The following CALD1 variants were observed in gnomAD, a reference collection of about 807,000 sequenced individuals.
CALD1 encodes the protein caldesmon 1.
CALD1 carries 33 observed loss-of-function variants against 99.9 expected under a neutral mutation model. That is an observed-to-expected ratio of 0.33 (90% confidence interval 0.25 to 0.44). CALD1 has a LOEUF of 0.44. Ranked by LOEUF, CALD1 falls within the 20% of genes least tolerant of loss-of-function variation. The probability of loss-of-function intolerance (pLI) is 1.00; values close to 1 mark genes in which losing one functional copy is unlikely to be tolerated. For missense variants in CALD1, 861 were observed against 962.1 expected (o/e 0.89, Z 1.39); for synonymous variants, 310 against 325.0 (o/e 0.95, Z 0.50).
intron 1 of CALD1, among the ~76,000 whole-genome samples, chr7:134,791,724 A>G (rs913608922): frequency 6.6e-6 from 1 of 152,202 alleles, no homozygotes; most frequent in Non-Finnish European, 1.5e-5. Context: ...CCTAACTATC[A>G]TCTTGGACCA....
Position 134,962,849 on chromosome 7 carries a change from C to G in CALD1, c.2295+2221C>G, listed in dbSNP as rs1808381715. The G allele has an allele frequency of 8.8e-6, 4 of 456,532 alleles. No individual in the cohort carries two copies. The Admixed American group carries it at 9.4e-5, about 11-fold the overall frequency. The allele number at this position is 456,532 out of a possible 1,614,324, so 28.3% of individuals were successfully genotyped here. ...CCTTCTGTTCCTCACTCTTTGGTCT[C>G]TGGTTGATTGGAAACCTGCTTCTCC... On this transcript the variant is annotated intron_variant, in intron 13 of 14. Coordinates refer to ENST00000361675, the MANE Select transcript of CALD1 (RefSeq NM_033138.4).
At chr7:134,813,925 C>T (rs185150394) in intron 1 of CALD1, among the ~76,000 whole-genome samples, 47 of 152,196 alleles carry the variant, frequency 3.1e-4, no homozygotes, top group African/African-American at 1.1e-3. Context: ...TGTGGGAACA[C>T]AAGATCATTG....
At chr7:134,887,173 T>C (rs1250085629) in intron 3 of CALD1, among the ~76,000 whole-genome samples, 1 of 152,096 alleles carries the variant, frequency 6.6e-6, no homozygotes, top group African/African-American at 2.4e-5. Flanking sequence ...TAAACTGTGA[T>C]TTTTCCACAG....
intron 3 of CALD1, among the ~76,000 whole-genome samples, chr7:134,887,646 CTG>C (rs1801924733): frequency 6.7e-6 from 1 of 150,258 alleles, no homozygotes; most frequent in Admixed American, 6.6e-5. Flanking sequence ...ACATGCATGT[CTG>C]TATGTGTGTG....
At chr7:134,906,845 G>A (rs1803423864) in intron 3 of CALD1, among the ~76,000 whole-genome samples, 1 of 152,092 alleles carries the variant, frequency 6.6e-6, no homozygotes, top group African/African-American at 2.4e-5. Flanking sequence ...GGGAAGTTGA[G>A]GACTTAAAGT....
chr7:134,757,324 T>G (rs899706917), intron 1 of CALD1, among the ~76,000 whole-genome samples: 1 of 152,172 alleles, frequency 6.6e-6, no homozygotes, highest in Non-Finnish European at 1.5e-5. Flanking sequence ...ACTGTTCTCC[T>G]TCCACCTCCC....
intron 3 of CALD1, chr7:134,891,486 C>A: frequency 7.2e-7 from 1 of 1,386,520 alleles, no homozygotes; most frequent in Non-Finnish European, 9.4e-7. Flanking sequence ...AAAGGGAGAA[C>A]ACGGGAGCAT....
At chr7:134,830,476 C>T (rs986606723) in intron 1 of CALD1, among the ~76,000 whole-genome samples, 8 of 151,824 alleles carry the variant, frequency 5.3e-5, no homozygotes, top group African/African-American at 1.7e-4. Context: ...ATGTGTGTCA[C>T]GGGGGTTTGT....
intron 1 of CALD1, among the ~76,000 whole-genome samples, chr7:134,843,206 G>C (rs1799719955): frequency 1.3e-5 from 2 of 152,184 alleles, no homozygotes; most frequent in South Asian, 4.1e-4. Flanking sequence ...GCCAGCATCT[G>C]TGTGTCGGGC....
chr7:134,859,879 T>C (rs1800486651), intron 2 of CALD1, among the ~76,000 whole-genome samples: 1 of 152,176 alleles, frequency 6.6e-6, no homozygotes, highest in Non-Finnish European at 1.5e-5. Context: ...ACTCAAACTG[T>C]CTGCTACTCA....
intron 1 of CALD1, among the ~76,000 whole-genome samples, chr7:134,835,187 T>TG (rs1230969292): frequency 6.6e-6 from 1 of 152,228 alleles, no homozygotes; most frequent in African/African-American, 2.4e-5. Context: ...CTGATGGTTT[T>TG]GCTTTTGGTT....
rs1312434562 is a variant in CALD1, at chr7:134,928,075, T to C, written c.72-679T>C. On this transcript the variant is annotated intron_variant, in intron 3 of 14. Coordinates refer to ENST00000361675, the MANE Select transcript of CALD1 (RefSeq NM_033138.4). Reference sequence around the variant, plus strand: ...GTCTACACAAATAACTCATGCAACATGCTGTATCTTTTGAAGTAAGCATTT... The same window carrying C: ...GTCTACACAAATAACTCATGCAACACGCTGTATCTTTTGAAGTAAGCATTT... The C allele has an allele frequency of 1.5e-5, 5 of 324,982 alleles. No individual in the cohort carries two copies. The Admixed American group carries it at 1.6e-4, about 10-fold the overall frequency. 20.1% of individuals were successfully genotyped at this position (324,982 alleles called of 1,614,324 possible). A position where few individuals can be genotyped will look rare whatever the true frequency, so the allele number is the denominator to read the frequency against.
chr7:134,801,206 A>G (rs1490665652), intron 1 of CALD1, among the ~76,000 whole-genome samples: 2 of 152,164 alleles, frequency 1.3e-5, no homozygotes, highest in East Asian at 3.8e-4. Flanking sequence ...ATTTCTATTA[A>G]CATTTAATAT....
At chr7:134,722,246 CG>C in the CALD1 span, among the ~76,000 whole-genome samples, 1 of 152,132 alleles carries the variant, frequency 6.6e-6, no homozygotes. Flanking sequence ...TCCTTTCCTC[CG>C]GCCAAGTTTC....
intron 3 of CALD1, among the ~76,000 whole-genome samples, chr7:134,921,155 C>T (rs1804592332): frequency 1.3e-5 from 2 of 152,166 alleles, no homozygotes; most frequent in Admixed American, 6.5e-5. Context: ...AATTCATGTC[C>T]ACACCAAGTA....
At chr7:134,795,911 A>G (rs1226257935) in intron 1 of CALD1, among the ~76,000 whole-genome samples, 2 of 152,222 alleles carry the variant, frequency 1.3e-5, no homozygotes, top group African/African-American at 4.8e-5. Context: ...GCCAGCCTGG[A>G]GCCACTGACC....
At chr7:134,720,577 C>T in the CALD1 span, among the ~76,000 whole-genome samples, 3 of 152,326 alleles carry the variant, frequency 2.0e-5, no homozygotes, top group African/African-American at 7.2e-5. Flanking sequence ...TCTGTGATCT[C>T]CCCATCTCCA....
rs1000283950 is a variant in CALD1, at chr7:134,969,218, T to C, written c.*873T>C. The C allele has an allele frequency of 1.3e-5, 2 of 152,412 alleles. No homozygotes were observed. The highest frequency in any genetic ancestry group is 4.8e-5 in the African/African-American group (2 of 41,462). The allele number at this position is 152,412 out of a possible 1,614,324, so 9.4% of individuals were successfully genotyped here. On this transcript the variant is annotated 3_prime_UTR_variant, in exon 15 of 15. Coordinates refer to ENST00000361675, the MANE Select transcript of CALD1 (RefSeq NM_033138.4). ...GAAACATGGCAGATAGGTATCAATA[T>C]GTTTTCAATGCCTGATGACCTATAA...
At chr7:134,740,462 T>C (rs932858741), upstream of CALD1, among the ~76,000 whole-genome samples, 3 of 152,170 alleles carry the variant, frequency 2.0e-5, no homozygotes, top group African/African-American at 7.2e-5. Context: ...ATGGAGAACA[T>C]GCAACTTGGC....
Sources: allele counts gnomAD v4.1 joint callset (sites outside exome capture counted in the v4.1 genomes callset), GRCh38; gene constraint gnomAD v4.1.1; transcripts MANE v1.5; gene names NCBI Gene and HGNC (gene_info 2026-07-23, HGNC 2026-07-21).